EP300: variants seen among roughly 807,000 people sequenced by gnomAD.
EP300 encodes EP300 lysine acetyltransferase, also known as histone acetyltransferase p300.
EP300 carries 31 observed loss-of-function variants against 264.0 expected under a neutral mutation model. The ratio of observed to expected loss-of-function variants is 0.12; its 90% CI spans 0.09 to 0.16. The LOEUF is 0.16. Ranked by LOEUF, EP300 falls within the 10% of genes least tolerant of loss-of-function variation. The pLI, the probability that EP300 is intolerant of heterozygous loss-of-function variation, is 1.00. For synonymous variants in EP300, 1,340 were observed against 1,045.4 expected (o/e 1.28, Z -5.44); for missense variants, 2,766 against 3,052.9 (o/e 0.91, Z 2.21).
intron 1 of EP300, among the ~76,000 whole-genome samples, chr22:41,100,345 A>G (rs1281120950): frequency 2.0e-5 from 3 of 152,240 alleles, no homozygotes; most frequent in Non-Finnish European, 4.4e-5. Flanking sequence ...GAACTCCTGT[A>G]TAGATAGACT....
intron 2 of EP300, among the ~76,000 whole-genome samples, chr22:41,119,309 C>CACTGGTGTGCG (rs772861120): frequency 4.0e-5 from 6 of 151,076 alleles, no homozygotes; most frequent in Non-Finnish European, 2.9e-5. Context: ...AGGTGTGAGC[C>CACTGGTGTGCG]ACTGCACCCA....
intron 20 of EP300, among the ~76,000 whole-genome samples, chr22:41,162,199 GATGA>G (rs2059112059): frequency 6.6e-6 from 1 of 152,184 alleles, no homozygotes; most frequent in Non-Finnish European, 1.5e-5. Flanking sequence ...TATTAACAGA[GATGA>G]ATGAATCTCT....
At chr22:41,136,214 C>G (rs932872800) in intron 7 of EP300, among the ~76,000 whole-genome samples, 4 of 152,184 alleles carry the variant, frequency 2.6e-5, no homozygotes, top group African/African-American at 4.8e-5. Context: ...TTGGTAGAGA[C>G]AGGGTTTCAC....
chr22:41,102,029 C>CTTTT (rs5845488), intron 1 of EP300, among the ~76,000 whole-genome samples: 6 of 119,258 alleles, frequency 5.0e-5, no homozygotes, highest in East Asian at 2.5e-4. Flanking sequence ...TTTTTCTTTT[C>CTTTT]TTTTTTTTTT....
intron 1 of EP300, among the ~76,000 whole-genome samples, chr22:41,110,808 A>G (rs1351194256): frequency 6.6e-6 from 1 of 152,028 alleles, no homozygotes; most frequent in Non-Finnish European, 1.5e-5. Flanking sequence ...AGTTTGATTG[A>G]TACTGCATTG....
chr22:41,118,480 T>C (rs1019993804), intron 2 of EP300, among the ~76,000 whole-genome samples: 2 of 152,258 alleles, frequency 1.3e-5, no homozygotes, highest in African/African-American at 4.8e-5. Context: ...ACATATTTTA[T>C]CTGTTTTTCT....
chr22:41,178,080 G>A lies in EP300; in HGVS notation c.6369G>A (p.Gly2123=), dbSNP rs770607097. 52 of 1,613,908 alleles carry A rather than the reference G, an allele frequency of 3.2e-5. No individual in the cohort carries two copies. Among genetic ancestry groups the A allele is most frequent in the Non-Finnish European group, 2.9e-5 (34 of 1,179,978 alleles). The change falls in exon 31 of 31, where the codon GGG becomes GGA. Residue 2123 remains glycine (G), a synonymous_variant. Transcript: ENST00000263253. The stretch of plus-strand genomic sequence containing the variant: ...CACCTACCATGCCAGGTCAGCAGGG[G>A]GTCCACTCCAATCCAGCCATGCAGA... The part of the protein sequence containing the change: ...LQPPTMPGQQ[G]VHSNPAMQNM...
At chr22:41,156,196 A>C (rs1185446202) in intron 17 of EP300, among the ~76,000 whole-genome samples, 1 of 151,920 alleles carries the variant, frequency 6.6e-6, no homozygotes, top group African/African-American at 2.4e-5. Context: ...TATTTTTAGT[A>C]GAGATGGGGT....
chr22:41,117,711 T>C lies in EP300; in HGVS notation c.619T>C (p.Tyr207His), dbSNP rs548993665. ...GAGRGRQNMQ[Y>H]PNPGMGSAGN... ...AGGCCGAGGGCGACAGAATATGCAG[T>C]ACCCAAACCCAGGCATGGGAAGTGC... The change falls in exon 2 of 31, where the codon TAC becomes CAC. Residue 207 changes from tyrosine to histidine, a missense_variant. Coordinates refer to ENST00000263253, the MANE Select transcript of EP300 (RefSeq NM_001429.4). 6.2e-7 allele frequency: 1 copy of C among 1,614,236 alleles called. No individual in the cohort carries two copies. Among genetic ancestry groups the C allele is most frequent in the Admixed American group, 1.7e-5 (1 of 60,016 alleles).
chr22:41,094,939 T>C (rs1207241714), intron 1 of EP300, among the ~76,000 whole-genome samples: 1 of 152,192 alleles, frequency 6.6e-6, no homozygotes, highest in Admixed American at 6.5e-5. Flanking sequence ...TGAAATATCT[T>C]TGAATAATTA....
rs915471744 is a variant in EP300 at position 41,179,874 on chromosome 22, CCCCACTCACA to C, written c.*920_*929del. ...TTGCTTTCTTCCTCCTTACCCTACC[CCCCACTCACA>C]CACACACACACACACACACACACAC... On this transcript the variant is annotated 3_prime_UTR_variant, in exon 31 of 31. Transcript: ENST00000263253. 9.1e-5 allele frequency: 14 copies of C among 153,310 alleles called. No homozygotes were observed. Among genetic ancestry groups the C allele is most frequent in the African/African-American group, 3.0e-4 (10 of 32,788 alleles). 9.5% of individuals were successfully genotyped at this position (153,310 alleles called of 1,614,324 possible). A position where few individuals can be genotyped will look rare whatever the true frequency, so the allele number is the denominator to read the frequency against.
In EP300 at chr22:41,115,565, TAGG is replaced by T. The variant is rs370578140; in HGVS notation, c.95-1619_95-1617del. 4.4e-3 allele frequency among the ~76,000 whole-genome samples: 677 copies of T among 152,278 alleles called. 8 individuals are homozygous for T. Among genetic ancestry groups the T allele is most frequent in the Middle Eastern group, 0.037 (11 of 294 alleles). ...CTCCCACCTTAGCCTCCTGAGTGGC[TAGG>T]AGTATAGCCTAGTGCCACCACACCC... On this transcript the variant is annotated intron_variant, in intron 1 of 30. Transcript: ENST00000263253.
chr22:41,119,270 G>T (rs1248163837), intron 2 of EP300, among the ~76,000 whole-genome samples: 2 of 140,656 alleles, frequency 1.4e-5, no homozygotes, highest in African/African-American at 5.4e-5. Flanking sequence ...TGATCCTCTT[G>T]TCTCAGCCTC....
chr22:41,178,411 ATGCAACAAG>A lies in EP300; in HGVS notation c.6701_6709del (p.Met2234_Gly2237delinsArg). ...GCGGATGCAGCATCACATGCAACAG[ATGCAACAAG>A]GAAATATGGGACAGATAGGCCAGCT... On this transcript the variant is annotated inframe_deletion, in exon 31 of 31. Coordinates refer to ENST00000263253, the MANE Select transcript of EP300 (RefSeq NM_001429.4). The A allele has an allele frequency of 6.2e-7, 1 of 1,614,098 alleles. No individual in the cohort carries two copies. The highest frequency in any genetic ancestry group is 8.5e-7 in the Non-Finnish European group (1 of 1,179,996).
intron 1 of EP300, among the ~76,000 whole-genome samples, chr22:41,098,441 G>A (rs912980466): frequency 2.0e-5 from 3 of 152,088 alleles, no homozygotes; most frequent in Admixed American, 6.5e-5. Flanking sequence ...GCGCGATCTC[G>A]GGTCACTGCA....
At chr22:41,124,206 C>G (rs534499054) in intron 2 of EP300, among the ~76,000 whole-genome samples, 140 of 152,380 alleles carry the variant, frequency 9.2e-4, no homozygotes, top group African/African-American at 3.3e-3. Flanking sequence ...AATTGCACCA[C>G]TGCGCCCCAG....
At chr22:41,120,997 A>T (rs1198185532) in intron 2 of EP300, among the ~76,000 whole-genome samples, 1 of 152,244 alleles carries the variant, frequency 6.6e-6, no homozygotes, top group South Asian at 2.1e-4. Context: ...AAGCCTGGCC[A>T]CATTTTTTTC....
At chr22:41,165,076 C>G (rs562333892) in intron 22 of EP300, among the ~76,000 whole-genome samples, 4 of 152,246 alleles carry the variant, frequency 2.6e-5, no homozygotes, top group Non-Finnish European at 5.9e-5. Flanking sequence ...CCGTTATTTT[C>G]ACATAGAAAA....
chr22:41,170,007 T>G (rs1208345472), intron 26 of EP300, among the ~76,000 whole-genome samples: 1 of 152,212 alleles, frequency 6.6e-6, no homozygotes, highest in Non-Finnish European at 1.5e-5. Context: ...AAACATTCAC[T>G]CCCTCATCTT....
Sources: gnomAD v4.1 joint callset for allele counts (sites outside exome capture counted in the v4.1 genomes callset) on GRCh38, gnomAD v4.1.1 for gene constraint, MANE v1.5 for transcripts, NCBI Gene and HGNC (gene_info 2026-07-23, HGNC 2026-07-21) for gene names.